PMPCB: variants seen among roughly 807,000 people sequenced by gnomAD.
PMPCB encodes mitochondrial-processing peptidase subunit beta.
A neutral mutation model predicts 61.5 loss-of-function variants in PMPCB; 46 were observed. The observed-to-expected ratio is 0.75, with a 90% CI of 0.59 to 0.96. The LOEUF (loss-of-function observed/expected upper bound fraction) is 0.96. Among genes scored for constraint, PMPCB ranks in the 40% least tolerant of loss-of-function variants. PMPCB has a pLI of 0.00. For missense variants in PMPCB, 590 were observed against 602.4 expected (o/e 0.98, Z 0.22); for synonymous variants, 191 against 201.6 (o/e 0.95, Z 0.44).
chr7:103,342,231 G>T, the PMPCB span, among the ~76,000 whole-genome samples: 32 of 151,966 alleles, frequency 2.1e-4, no homozygotes, highest in African/African-American at 7.2e-4. Flanking sequence ...GTACTTTTTT[G>T]GGGATATGAG....
chr7:103,322,696 T>C (rs766585121), intron 12 of PMPCB: 43 of 1,612,594 alleles, frequency 2.7e-5, no homozygotes, highest in Non-Finnish European at 3.6e-5. Flanking sequence ...AAATCAATTC[T>C]ACTTACCAAC....
chr7:103,321,724 C>A (rs1391677544), intron 12 of PMPCB, among the ~76,000 whole-genome samples: 1 of 152,166 alleles, frequency 6.6e-6, no homozygotes, highest in East Asian at 1.9e-4. Flanking sequence ...TGGCACACGC[C>A]TGTAATCCCA....
At chr7:103,338,485 C>G in the PMPCB span, among the ~76,000 whole-genome samples, 570 of 151,242 alleles carry the variant, frequency 3.8e-3, 4 homozygotes, top group African/African-American at 0.014. Flanking sequence ...TTAGTAGAGA[C>G]AGGGTTTCAC....
In PMPCB at chr7:103,298,401, CAG is replaced by C. The variant is rs567455191; in HGVS notation, c.100-165_100-164del. On this transcript the variant is annotated intron_variant, in intron 1 of 12. Transcript: ENST00000249269. ...CTGGCTTTAGGACAGTGGCTGGTGA[CAG>C]ATGTTTCTAGGCCAGGCAGAGATCT... is the stretch of plus-strand genomic sequence containing the variant. 6.8e-4 allele frequency among the ~76,000 whole-genome samples: 104 copies of C among 152,190 alleles called. 1 individual carries two copies. The highest frequency in any genetic ancestry group is 2.4e-3 in the African/African-American group (101 of 41,520).
At chr7:103,344,415 G>A in the PMPCB span, 6 of 831,310 alleles carry the variant, frequency 7.2e-6, no homozygotes, top group Admixed American at 6.9e-5. Flanking sequence ...AAAACACGGA[G>A]CAAAAAGGCA....
intron 12 of PMPCB, chr7:103,319,754 A>T: frequency 1.2e-6 from 2 of 1,614,220 alleles, no homozygotes; most frequent in Non-Finnish European, 1.7e-6. Flanking sequence ...CCATAGGTAT[A>T]CCTTGCCAGT....
downstream of PMPCB, among the ~76,000 whole-genome samples, chr7:103,333,950 C>CTTTTTTTTTTTTT (rs1563471240): frequency 6.7e-6 from 1 of 148,754 alleles, no homozygotes; most frequent in Non-Finnish European, 1.5e-5. Flanking sequence ...CTGTTGTGAA[C>CTTTTTTTTTTTTT]ATTTTTTTTT....
At chr7:103,297,916 C>T (rs868007420) in intron 1 of PMPCB, 3 of 1,292,352 alleles carry the variant, frequency 2.3e-6, no homozygotes, top group Middle Eastern at 2.7e-4. Context: ...TGAACTTCGT[C>T]CTCAGCTGGG....
intron 12 of PMPCB, chr7:103,319,853 A>G (rs370268421): frequency 2.5e-5 from 40 of 1,613,726 alleles, no homozygotes; most frequent in Non-Finnish European, 3.3e-5. Flanking sequence ...GTCTAAAAGC[A>G]CAAACACAAA....
chr7:103,330,760 T>C (rs1303206379), downstream of PMPCB, among the ~76,000 whole-genome samples: 2 of 151,854 alleles, frequency 1.3e-5, no homozygotes, highest in African/African-American at 2.4e-5. Context: ...CTTTTTTTTT[T>C]TTGTAGGGGA....
downstream of PMPCB, among the ~76,000 whole-genome samples, chr7:103,330,572 C>T (rs898485121): frequency 6.6e-6 from 1 of 152,144 alleles, no homozygotes; most frequent in East Asian, 1.9e-4. Flanking sequence ...CTGCCTCAGC[C>T]TCCTGAGTAG....
Position 103,297,556 on chromosome 7 carries a change from C to G in PMPCB, c.97C>G (p.Arg33Gly). The change falls in exon 1 of 13, where the codon CGG becomes GGG. Residue 33 changes from arginine to glycine, a missense_variant and splice_region_variant. Physicochemically the swap from Arg to Gly is moderately radical, Grantham distance 125. Coordinates refer to ENST00000249269, the MANE Select transcript of PMPCB (RefSeq NM_004279.3). ...ESLLIRGAAGRSLYFGENRLR... is the reference protein window; with the variant it reads ...ESLLIRGAAGGSLYFGENRLR... ...TCTTCTAATCCGAGGCGCTGCGGGA[C>G]GGGTGAGCTTCCCTCCAGGCCGGTC... 2 of 1,610,808 alleles carry G rather than the reference C, an allele frequency of 1.2e-6. No individual in the cohort carries two copies. The highest frequency in any genetic ancestry group is 1.7e-6 in the Non-Finnish European group (2 of 1,178,014).
At chr7:103,335,035 T>C in the PMPCB span, among the ~76,000 whole-genome samples, 1 of 152,116 alleles carries the variant, frequency 6.6e-6, no homozygotes, top group African/African-American at 2.4e-5. Flanking sequence ...GGTTTCGCCA[T>C]GTTGGCCAGG....
chr7:103,301,436 A>T (rs1817447665), intron 4 of PMPCB, among the ~76,000 whole-genome samples: 1 of 152,266 alleles, frequency 6.6e-6, no homozygotes, highest in South Asian at 2.1e-4. Context: ...ACATATGGCT[A>T]GGCCAAGGTT....
chr7:103,333,489 T>G (rs971089582), downstream of PMPCB, among the ~76,000 whole-genome samples: 8 of 152,262 alleles, frequency 5.3e-5, no homozygotes, highest in Non-Finnish European at 1.2e-4. Context: ...TTTAATCATA[T>G]CTGTCTGATT....
intron 12 of PMPCB, among the ~76,000 whole-genome samples, chr7:103,327,019 T>C (rs1261580300): frequency 6.6e-6 from 1 of 152,230 alleles, no homozygotes; most frequent in Non-Finnish European, 1.5e-5. Context: ...GATCTTAGGC[T>C]TCTGGAGCAC....
downstream of PMPCB, among the ~76,000 whole-genome samples, chr7:103,318,355 T>C (rs927716979): frequency 2.0e-5 from 3 of 152,058 alleles, no homozygotes; most frequent in African/African-American, 7.2e-5. Context: ...GGTAGAGATT[T>C]TGTTTATGTT....
downstream of PMPCB, among the ~76,000 whole-genome samples, chr7:103,332,443 G>T (rs989481448): frequency 1.4e-4 from 21 of 152,144 alleles, no homozygotes; most frequent in African/African-American, 5.1e-4. Context: ...TTAACAAAAT[G>T]AATTATTCCA....
chr7:103,304,553 G>T, intron 6 of PMPCB, 63 bp downstream of exon 6: 1 of 1,040,968 alleles, frequency 9.6e-7, no homozygotes, highest in Non-Finnish European at 1.5e-6. Flanking sequence ...ATGCTTATTA[G>T]TTTGATCCTG....
Sources: allele counts gnomAD v4.1 joint callset (sites outside exome capture counted in the v4.1 genomes callset), GRCh38; gene constraint gnomAD v4.1.1; transcripts MANE v1.5; gene names NCBI Gene and HGNC (gene_info 2026-07-23, HGNC 2026-07-21).